The following AACS variants were observed in gnomAD, a reference collection of about 807,000 sequenced individuals.
The protein encoded by AACS is acetoacetate-CoA ligase.
In AACS, 69 loss-of-function variants were observed where a neutral mutation model predicts 83.1. The observed-to-expected ratio is 0.83, with a 90% CI of 0.68 to 1.01. AACS has a LOEUF of 1.01. AACS is among the 50% of genes least tolerant of loss of function. AACS has a pLI of 0.00. For missense variants in AACS, 866 were observed against 882.2 expected (o/e 0.98, Z 0.23); for synonymous variants, 333 against 343.4 (o/e 0.97, Z 0.33).
rs1227839941 is a variant in AACS, at chr12:125,094,682, CCTGCTCT to C, written c.570+3165_570+3171del. Among the ~76,000 whole-genome samples the C allele has an allele frequency of 6.6e-6, 1 of 152,214 alleles. No individual in the cohort carries two copies. Among genetic ancestry groups the C allele is most frequent in the Non-Finnish European group, 1.5e-5 (1 of 68,050 alleles). The stretch of plus-strand genomic sequence containing the variant: ...TCCCACCACTGCCCACCTCCTTCTG[CCTGCTCT>C]CTGCTGGCTGCCTGGGCATCTCAGC... On this transcript the variant is annotated intron_variant, in intron 5 of 17. Transcript: ENST00000316519. The surrounding 1 kb of genome is among the most constrained non-coding windows in gnomAD (Gnocchi z 4.1).
At position 125,102,787 on chromosome 12, in the gene AACS, G is replaced by C. The variant is rs772411785; in HGVS notation, c.679G>C (p.Val227Leu). Residue 227 changes from valine to leucine, a missense_variant, in exon 6 of 18, where the codon GTT (valine) becomes CTT (leucine). Val to Leu is a conservative substitution (Grantham distance 32). Coordinates refer to ENST00000316519, the MANE Select transcript of AACS (RefSeq NM_023928.5). Reference protein sequence around the residue: ...HNHMEKLQQVVKGLPDLKKVV... With the variant: ...HNHMEKLQQVLKGLPDLKKVV... ...CCACATGGAAAAGCTGCAGCAGGTG[G>C]TTAAAGGTGTGTGGCCCTTCCGGCT... is the stretch of plus-strand genomic sequence containing the variant. The C allele has an allele frequency of 3.1e-6, 5 of 1,614,158 alleles. No individual in the cohort carries two copies. The highest frequency in any genetic ancestry group is 4.2e-6 in the Non-Finnish European group (5 of 1,179,980).
chr12:125,087,566 C>T (rs952035806), intron 4 of AACS, among the ~76,000 whole-genome samples: 6 of 152,160 alleles, frequency 3.9e-5, no homozygotes, highest in African/African-American at 1.2e-4. Flanking sequence ...TCCATGTCAT[C>T]GGACAAGGAC....
chr12:125,108,277 G>T (rs1001371201), intron 8 of AACS, among the ~76,000 whole-genome samples: 1 of 152,228 alleles, frequency 6.6e-6, no homozygotes, highest in Non-Finnish European at 1.5e-5. Context: ...CCGCACAGTT[G>T]CTCTTGTCTG....
chr12:125,090,902 A>T (rs1457939657), intron 4 of AACS: 1 of 170,156 alleles, frequency 5.9e-6, no homozygotes, highest in East Asian at 1.5e-4. Flanking sequence ...AGTTATGCTA[A>T]GTTTGGTGAA....
At chr12:125,116,714 C>T (rs1456954647) in intron 9 of AACS, among the ~76,000 whole-genome samples, 1 of 152,112 alleles carries the variant, frequency 6.6e-6, no homozygotes, top group Non-Finnish European at 1.5e-5. Flanking sequence ...ATCCGCCTGC[C>T]TCGGCCTCCC....
intron 9 of AACS, among the ~76,000 whole-genome samples, chr12:125,115,752 A>C (rs1957042519): frequency 6.6e-6 from 1 of 151,718 alleles, no homozygotes; most frequent in African/African-American, 2.4e-5. Flanking sequence ...ACACAGGTGC[A>C]GGAGACTGTC....
chr12:125,070,252 G>A (rs926511008), intron 1 of AACS, among the ~76,000 whole-genome samples: 1 of 152,200 alleles, frequency 6.6e-6, no homozygotes, highest in African/African-American at 2.4e-5. Context: ...AATAAACCCT[G>A]TGTCTGGCTC....
At chr12:125,086,483 A>G (rs549650162) in intron 4 of AACS, 40 bp downstream of exon 4, 1 of 1,583,984 alleles carries the variant, frequency 6.3e-7, no homozygotes, top group East Asian at 2.2e-5. Flanking sequence ...GAGGGAGGAG[A>G]CCAAGGTAGA....
At chr12:125,116,875 C>T (rs1171938804) in intron 9 of AACS, among the ~76,000 whole-genome samples, 3 of 114,936 alleles carry the variant, frequency 2.6e-5, no homozygotes, top group Non-Finnish European at 5.1e-5. Context: ...CCCTTCCTTT[C>T]CCTCCCTTCC....
chr12:125,083,569 C>T (rs1956255643), intron 3 of AACS, among the ~76,000 whole-genome samples: 1 of 151,670 alleles, frequency 6.6e-6, no homozygotes, highest in South Asian at 2.1e-4. Context: ...TTTTTCTGTA[C>T]TATCAAAGTT....
At chr12:125,066,055 G>A (rs1955681332) in intron 1 of AACS, among the ~76,000 whole-genome samples, 1 of 152,148 alleles carries the variant, frequency 6.6e-6, no homozygotes, top group African/African-American at 2.4e-5. Context: ...CTTGACCTCC[G>A]GCCTGTGGGG....
chr12:125,084,143 C>T (rs913709954), intron 3 of AACS, among the ~76,000 whole-genome samples: 12 of 151,716 alleles, frequency 7.9e-5, no homozygotes, highest in Non-Finnish European at 1.2e-4. Context: ...GCCTGACCAA[C>T]GTGGTGAAAC....
Position 125,117,147 on chromosome 12 carries a change from C to T in AACS, c.997-1494C>T, listed in dbSNP as rs144130733. Among the ~76,000 whole-genome samples, 205 of 152,176 alleles carry T rather than the reference C, an allele frequency of 1.3e-3. 2 individuals carry two copies. In the East Asian group the frequency reaches 0.027, roughly 20 times the overall value. On this transcript the variant is annotated intron_variant, in intron 9 of 17. Coordinates refer to ENST00000316519, the MANE Select transcript of AACS (RefSeq NM_023928.5). ...TTTTTGGAGTCCAGGCACGGTGGCT[C>T]ACGCCTGTAATCCCAACACTTTGGG...
Position 125,129,443 on chromosome 12 carries a change from A to G in AACS, c.1532A>G (p.Tyr511Cys). Residue 511 changes from tyrosine to cysteine, a missense_variant, in exon 14 of 18, where the codon TAT (tyrosine) becomes TGT (cysteine). Physicochemically the swap from Tyr to Cys is radical, Grantham distance 194. Coordinates refer to ENST00000316519, the MANE Select transcript of AACS (RefSeq NM_023928.5). This position sits in a 1 kb window ranked among gnomAD's most constrained non-coding sequence, Gnocchi z 4.3. Reference protein sequence around the residue: ...DENGNKYRKAYFSKFPGIWAH... With the variant: ...DENGNKYRKACFSKFPGIWAH... ...AACGGCAACAAGTACAGGAAGGCGT[A>G]TTTCTCCAAATTCCCAGGTCGGTTG... The G allele has an allele frequency of 6.2e-7, 1 of 1,613,692 alleles. No homozygotes were observed. The highest frequency in any genetic ancestry group is 1.1e-5 in the South Asian group (1 of 91,020).
intron 9 of AACS, among the ~76,000 whole-genome samples, chr12:125,116,724 C>T (rs999992106): frequency 6.6e-6 from 1 of 152,266 alleles, no homozygotes; most frequent in Admixed American, 6.5e-5. Context: ...CTCGGCCTCC[C>T]AAAGTGCTGG....
At position 125,091,245 on chromosome 12, in the gene AACS, G is replaced by A. The variant is rs1251801955; in HGVS notation, c.473-181G>A. The A allele has an allele frequency of 7.9e-6, 5 of 629,184 alleles. 1 individual carries two copies. The Admixed American group carries it at 1.2e-4, about 15-fold the overall frequency. 39.0% of individuals were successfully genotyped at this position (629,184 alleles called of 1,614,324 possible). ...GGAGAATGGATTGCAGGGGGATGGT[G>A]GGGAGTTGACAGGCTGGCAGCAGGC... On this transcript the variant is annotated intron_variant, in intron 4 of 17. Transcript: ENST00000316519.
rs570158476 is a variant in AACS at position 125,114,914 on chromosome 12, G to A, written c.996+357G>A. On this transcript the variant is annotated intron_variant, in intron 9 of 17. Coordinates refer to ENST00000316519, the MANE Select transcript of AACS (RefSeq NM_023928.5). ...TAAGGGCTTCCCCGGGCGCTGGCCC[G>A]TGACACATGGTAAGGGCTTCCCCGG... Among the ~76,000 whole-genome samples the A allele has an allele frequency of 2.7e-5, 4 of 149,980 alleles. No homozygotes were observed. The South Asian group carries it at 6.4e-4, about 24-fold the overall frequency.
chr12:125,087,227 G>T (rs186597911), intron 4 of AACS, among the ~76,000 whole-genome samples: 1 of 152,234 alleles, frequency 6.6e-6, no homozygotes, highest in Non-Finnish European at 1.5e-5. Flanking sequence ...GGATTGTTCT[G>T]GAAGGAGCAG....
chr12:125,083,878 T>G (rs1208571507), intron 3 of AACS, among the ~76,000 whole-genome samples: 4 of 152,002 alleles, frequency 2.6e-5, no homozygotes, highest in Non-Finnish European at 4.4e-5. Flanking sequence ...GGTCTTGAAC[T>G]CCTGACCTCA....
Sources: gnomAD v4.1 joint callset for allele counts (sites outside exome capture counted in the v4.1 genomes callset) on GRCh38, gnomAD v4.1.1 for gene constraint, Gnocchi (gnomAD v3.1) non-coding constraint, MANE v1.5 for transcripts, NCBI Gene and HGNC (gene_info 2026-07-23, HGNC 2026-07-21) for gene names.